CPQ: variants seen among roughly 807,000 people sequenced by gnomAD.
The protein encoded by CPQ is Ser-Met dipeptidase.
A neutral mutation model predicts 45.7 loss-of-function variants in CPQ; 37 were observed. The observed-to-expected ratio is 0.81, with a 90% confidence interval of 0.62 to 1.07. The LOEUF (loss-of-function observed/expected upper bound fraction) is 1.07, where lower values mean the gene tolerates loss of function less well. Among genes scored for constraint, CPQ ranks in the 50% least tolerant of loss-of-function variants. The probability of loss-of-function intolerance (pLI) is 0.00; values close to 1 mark genes in which losing one functional copy is unlikely to be tolerated. For synonymous variants in CPQ, 186 were observed against 205.8 expected (o/e 0.90, Z 0.82); for missense variants, 537 against 572.9 (o/e 0.94, Z 0.64).
At chr8:96,799,610 C>G (rs1246267413) in intron 2 of CPQ, among the ~76,000 whole-genome samples, 1 of 152,144 alleles carries the variant, frequency 6.6e-6, no homozygotes, top group Non-Finnish European at 1.5e-5. Flanking sequence ...TTGCAAATTC[C>G]TTCTCTCTGT....
At chr8:96,924,604 C>A (rs909119260) in intron 4 of CPQ, among the ~76,000 whole-genome samples, 6 of 152,164 alleles carry the variant, frequency 3.9e-5, no homozygotes, top group African/African-American at 1.4e-4. Flanking sequence ...GCTTTTATCA[C>A]CCATTCACTC....
At chr8:96,819,909 T>G (rs1811278904) in intron 2 of CPQ, among the ~76,000 whole-genome samples, 1 of 152,092 alleles carries the variant, frequency 6.6e-6, no homozygotes, top group Non-Finnish European at 1.5e-5. Flanking sequence ...AAAATTTTCA[T>G]TGAAACCTCT....
intron 4 of CPQ, among the ~76,000 whole-genome samples, chr8:96,934,924 G>A (rs1464544487): frequency 1.3e-5 from 2 of 152,164 alleles, no homozygotes; most frequent in African/African-American, 4.8e-5. Flanking sequence ...CTTCCACTAT[G>A]CAGCCTACAT....
intron 5 of CPQ, among the ~76,000 whole-genome samples, chr8:97,020,828 T>G (rs2130454564): frequency 6.6e-6 from 1 of 152,156 alleles, no homozygotes; most frequent in African/African-American, 2.4e-5. Flanking sequence ...ATTGACACTA[T>G]TCCACAAGAT....
intron 1 of CPQ, among the ~76,000 whole-genome samples, chr8:96,756,467 C>T (rs1451210366): frequency 1.3e-5 from 2 of 151,996 alleles, no homozygotes; most frequent in African/African-American, 4.8e-5. Context: ...AAGTCAAATA[C>T]TGGTGGAATT....
chr8:96,873,041 C>T (rs28698145), intron 3 of CPQ, among the ~76,000 whole-genome samples: 77,878 of 151,496 alleles, frequency 0.51, 20,531 homozygotes, highest in African/African-American at 0.62. Context: ...CTTCCTTCTT[C>T]CTTGCACTCT....
At chr8:97,122,922 TA>T (rs1811737568) in intron 7 of CPQ, among the ~76,000 whole-genome samples, 2 of 52,768 alleles carry the variant, frequency 3.8e-5, no homozygotes, top group Admixed American at 2.4e-4. Flanking sequence ...TAAAATAAAA[TA>T]AAATAAATAA....
At chr8:96,984,360 G>C (rs1813965858) in intron 5 of CPQ, among the ~76,000 whole-genome samples, 1 of 152,142 alleles carries the variant, frequency 6.6e-6, no homozygotes, top group African/African-American at 2.4e-5. Context: ...GCAACAGTGT[G>C]GGGAGGTGAA....
intron 5 of CPQ, among the ~76,000 whole-genome samples, chr8:97,023,018 GTA>G (rs566006988): frequency 1.6e-4 from 22 of 140,814 alleles, no homozygotes; most frequent in East Asian, 6.1e-4. Context: ...ACTATATATA[GTA>G]TATATATACA....
At chr8:96,896,875 T>A (rs987511020) in intron 4 of CPQ, among the ~76,000 whole-genome samples, 2 of 152,162 alleles carry the variant, frequency 1.3e-5, no homozygotes, top group African/African-American at 4.8e-5. Flanking sequence ...AGCTAATGAC[T>A]AAAATAAAAT....
Position 96,904,502 on chromosome 8 carries a change from G to A in CPQ, c.849+24497G>A, listed in dbSNP as rs565630268. Among the ~76,000 whole-genome samples the A allele has an allele frequency of 1.4e-4, 21 of 152,226 alleles. No individual in the cohort carries two copies. The South Asian group carries it at 2.9e-3, about 21-fold the overall frequency. On this transcript the variant is annotated intron_variant, in intron 4 of 7. Transcript: ENST00000220763. ...GATTGCAGCTCTGACTTATCATCTG[G>A]ATGTGACTTTGATCTGTCACCTGGT...
intron 4 of CPQ, among the ~76,000 whole-genome samples, chr8:96,925,380 C>A (rs558553688): frequency 6.6e-6 from 1 of 150,628 alleles, no homozygotes; most frequent in Admixed American, 6.6e-5. Context: ...GGAATTCAGG[C>A]CTCTGCTTTT....
intron 7 of CPQ, among the ~76,000 whole-genome samples, chr8:97,110,492 C>T (rs1004233653): frequency 2.0e-5 from 3 of 152,022 alleles, no homozygotes; most frequent in African/African-American, 7.2e-5. Context: ...AGTGGGATTG[C>T]CAGGTCACAG....
chr8:96,999,860 G>A (rs191286457), intron 5 of CPQ, among the ~76,000 whole-genome samples: 1 of 152,190 alleles, frequency 6.6e-6, no homozygotes, highest in Admixed American at 6.6e-5. Context: ...CACCAAAAGT[G>A]TATAAGTGTT....
chr8:97,095,342 T>C (rs1216935434), intron 7 of CPQ, among the ~76,000 whole-genome samples: 2 of 152,212 alleles, frequency 1.3e-5, no homozygotes, highest in South Asian at 4.1e-4. Context: ...AAACTTGGCA[T>C]TGACTTAGAC....
At chr8:96,796,777 T>C (rs188989268) in intron 2 of CPQ, among the ~76,000 whole-genome samples, 57 of 152,346 alleles carry the variant, frequency 3.7e-4, no homozygotes, top group Middle Eastern at 3.4e-3. Context: ...TGCTGGTTTA[T>C]GTCAAACTGT....
At position 97,032,941 on chromosome 8, in the gene CPQ, G is replaced by A. The variant is rs75829338; in HGVS notation, c.1053+3447G>A. Reference sequence around the variant, plus strand: ...CCAAATGGTGTAAAGGCTGAACAGAGTAAATGGAAAGGATTTAGAAAAGGG... The same window carrying A: ...CCAAATGGTGTAAAGGCTGAACAGAATAAATGGAAAGGATTTAGAAAAGGG... On this transcript the variant is annotated intron_variant, in intron 6 of 7. Coordinates refer to ENST00000220763, the MANE Select transcript of CPQ (RefSeq NM_016134.4). Among the ~76,000 whole-genome samples, 141 of 152,340 alleles carry A rather than the reference G, an allele frequency of 9.3e-4. 1 individual carries two copies. The East Asian group carries it at 0.022, about 24-fold the overall frequency.
intron 1 of CPQ, among the ~76,000 whole-genome samples, chr8:96,705,333 A>G (rs1809518867): frequency 6.6e-6 from 1 of 152,180 alleles, no homozygotes; most frequent in Admixed American, 6.5e-5. Flanking sequence ...CTTCCAGCTT[A>G]ATAGGCATGA....
intron 4 of CPQ, among the ~76,000 whole-genome samples, chr8:96,956,820 C>G (rs1241227208): frequency 1.3e-5 from 2 of 152,230 alleles, no homozygotes; most frequent in East Asian, 3.9e-4. Flanking sequence ...GGCTTGTTTC[C>G]TAGAGTCTCA....
Sources: gnomAD v4.1 joint callset for allele counts (sites outside exome capture counted in the v4.1 genomes callset) on GRCh38, gnomAD v4.1.1 for gene constraint, MANE v1.5 for transcripts, NCBI Gene and HGNC (gene_info 2026-07-23, HGNC 2026-07-21) for gene names.